ADAMTS8: variants seen among roughly 807,000 people sequenced by gnomAD.
The protein encoded by ADAMTS8 is A disintegrin and metalloproteinase with thrombospondin motifs 8.
In ADAMTS8, 50 loss-of-function variants were observed where a neutral mutation model predicts 64.4. The observed-to-expected ratio is 0.78, with a 90% CI of 0.62 to 0.98. ADAMTS8 has a LOEUF of 0.98. Among genes scored for constraint, ADAMTS8 ranks in the 50% least tolerant of loss-of-function variants. The probability of loss-of-function intolerance (pLI) is 0.00; values close to 1 mark genes in which losing one functional copy is unlikely to be tolerated. For missense variants in ADAMTS8, 1,192 were observed against 1,208.2 expected (o/e 0.99, Z 0.20); for synonymous variants, 556 against 533.6 (o/e 1.04, Z -0.58).
intron 2 of ADAMTS8, among the ~76,000 whole-genome samples, chr11:130,417,827 C>T (rs941448146): frequency 3.9e-5 from 6 of 151,970 alleles, no homozygotes; most frequent in African/African-American, 1.4e-4. Flanking sequence ...TATGGTCAAG[C>T]CAGTTCACCC....
rs1565374675 is a variant in ADAMTS8, at chr11:130,411,544, G to C, written c.1623C>G (p.Thr541=). The change falls in exon 6 of 9, where the codon ACC becomes ACG. Residue 541 remains threonine (T), a synonymous_variant. Coordinates refer to ENST00000257359, the MANE Select transcript of ADAMTS8 (RefSeq NM_007037.6). This position sits in a 1 kb window ranked among gnomAD's most constrained non-coding sequence, Gnocchi z 4.2. ...PWGPWGECSR[T]CGGGVQFSHR... ...GTGAAAACTGTACTCCTCCTCCACAGGTCCGAGAACATTCTCCCCAGGGTC... is the reference window on the plus strand; with the variant it reads ...GTGAAAACTGTACTCCTCCTCCACACGTCCGAGAACATTCTCCCCAGGGTC... 1.9e-6 allele frequency: 3 copies of C among 1,614,162 alleles called. No individual in the cohort carries two copies. The highest frequency in any genetic ancestry group is 2.5e-6 in the Non-Finnish European group (3 of 1,180,024).
At chr11:130,421,857 C>T (rs2134689224) in intron 1 of ADAMTS8, among the ~76,000 whole-genome samples, 1 of 152,304 alleles carries the variant, frequency 6.6e-6, no homozygotes, top group South Asian at 2.1e-4. Context: ...AGATGGCTTG[C>T]TCCACCACCT....
chr11:130,421,897 C>T (rs1057267750), intron 1 of ADAMTS8, among the ~76,000 whole-genome samples: 4 of 152,228 alleles, frequency 2.6e-5, no homozygotes, highest in Admixed American at 2.6e-4. Flanking sequence ...CTGCTCCCCA[C>T]ACCAATGCAA....
In ADAMTS8 at chr11:130,414,420, C is replaced by T. The variant is rs184969861; in HGVS notation, c.1566+111G>A. ...TGAGCCGCTCTGCCTGGCTGTCTCT[C>T]GGTTCATGACTCTCAAGTGTGGTTT... On this transcript the variant is annotated intron_variant, in intron 5 of 8. Coordinates refer to ENST00000257359, the MANE Select transcript of ADAMTS8 (RefSeq NM_007037.6). 28 of 1,333,168 alleles carry T rather than the reference C, an allele frequency of 2.1e-5. No homozygotes were observed. The Admixed American group carries it at 6.2e-4, about 30-fold the overall frequency. The allele number at this position is 1,333,168 out of a possible 1,614,324, so 82.6% of individuals were successfully genotyped here.
intron 8 of ADAMTS8, 27 bp downstream of exon 8, chr11:130,408,437 A>C (rs760562907): frequency 6.2e-7 from 1 of 1,611,856 alleles, no homozygotes; most frequent in Non-Finnish European, 8.5e-7. Context: ...CTACCAAGCA[A>C]GGTACAGAAC....
Position 130,408,930 on chromosome 11 carries a change from G to A in ADAMTS8, c.1761C>T (p.Phe587=). ...TATACTTCTCACACTGCTGCTCCCT[G>A]AAGCTTTTCCCTAGAAAGAGGAAGA... ...TEECPPDGKS[F]REQQCEKYNA... is the part of the protein sequence containing the mutation. The change falls in exon 7 of 9, where the codon TTC becomes TTT. Residue 587 remains phenylalanine (F), a synonymous_variant. Coordinates refer to ENST00000257359, the MANE Select transcript of ADAMTS8 (RefSeq NM_007037.6). 1 of 1,538,410 alleles carries A rather than the reference G, an allele frequency of 6.5e-7. No homozygotes were observed. Among genetic ancestry groups the A allele is most frequent in the Non-Finnish European group, 8.8e-7 (1 of 1,141,788 alleles).
At chr11:130,408,205 A>G (rs1249190134) in intron 8 of ADAMTS8, among the ~76,000 whole-genome samples, 3 of 152,230 alleles carry the variant, frequency 2.0e-5, no homozygotes, top group African/African-American at 7.2e-5. Context: ...CGTAAAAGTC[A>G]CGGCTGCCCT....
chr11:130,405,881 G>A lies in ADAMTS8; in HGVS notation c.2347C>T (p.Pro783Ser), dbSNP rs1458298900. 1 of 1,613,972 alleles carries A rather than the reference G, an allele frequency of 6.2e-7. No individual in the cohort carries two copies. Among genetic ancestry groups the A allele is most frequent in the Non-Finnish European group, 8.5e-7 (1 of 1,180,032 alleles). ...AGGAGCTGCACTGTCAGAGGCTCTG[G>A]CAAGGGCCGGAAGCTCTGCAGGCGC... ...LERLQSFRPL[P>S]EPLTVQLLTV... Residue 783 changes from proline (P) to serine (S), a missense_variant, in exon 9 of 9, where the codon CCA (proline) becomes TCA (serine). Pro to Ser is a moderately conservative substitution (Grantham distance 74). This residue lies in a region of ADAMTS8 where 147 missense variants were observed against 154.1 expected (regional missense o/e 0.95). Transcript: ENST00000257359.
intron 1 of ADAMTS8, among the ~76,000 whole-genome samples, chr11:130,425,516 G>T (rs1004181535): frequency 2.8e-5 from 4 of 143,264 alleles, no homozygotes; most frequent in Non-Finnish European, 2.9e-5. Flanking sequence ...TCTGTTCCAT[G>T]TGTGGGGGTA....
Position 130,416,472 on chromosome 11 carries a change from C to T in ADAMTS8, c.1097-142G>A, listed in dbSNP as rs975813473. 109 of 953,408 alleles carry T rather than the reference C, an allele frequency of 1.1e-4. No individual in the cohort carries two copies. Among genetic ancestry groups the T allele is most frequent in the Middle Eastern group, 3.4e-4 (1 of 2,968 alleles). 59.1% of individuals were successfully genotyped at this position (953,408 alleles called of 1,614,324 possible). A position where few individuals can be genotyped will look rare whatever the true frequency, so the allele number is the denominator to read the frequency against. On this transcript the variant is annotated intron_variant, in intron 3 of 8. Coordinates refer to ENST00000257359, the MANE Select transcript of ADAMTS8 (RefSeq NM_007037.6). This position sits in a 1 kb window ranked among gnomAD's most constrained non-coding sequence, Gnocchi z 4.8. ...GATTTCTGCGTAGGGCTTTCCCCTGCGCTTTGCTCTTCCAGGACGCGTTCT... is the reference window on the plus strand; with the variant it reads ...GATTTCTGCGTAGGGCTTTCCCCTGTGCTTTGCTCTTCCAGGACGCGTTCT...
In ADAMTS8 at chr11:130,411,350, C is replaced by G. The variant is rs1861949001; in HGVS notation, c.1750+67G>C. 5.1e-6 allele frequency: 8 copies of G among 1,562,768 alleles called. No individual in the cohort carries two copies. The highest frequency in any genetic ancestry group is 7.0e-6 in the Non-Finnish European group (8 of 1,149,584). On this transcript the variant is annotated intron_variant, in intron 6 of 8. Coordinates refer to ENST00000257359, the MANE Select transcript of ADAMTS8 (RefSeq NM_007037.6). This position sits in a 1 kb window ranked among gnomAD's most constrained non-coding sequence, Gnocchi z 4.2. ...CCCACTTCACTCCCACTTTACACAT[C>G]CTCTGGGGATGCGTCATAGCAATGA...
At position 130,427,659 on chromosome 11, in the gene ADAMTS8, T is replaced by C; in HGVS notation, c.628A>G (p.Arg210Gly). The change falls in exon 1 of 9, where the codon AGG becomes GGG. Residue 210 changes from arginine (R) to glycine (G), a missense_variant. By Grantham distance (125) the Arg-to-Gly change is moderately radical. Around this residue, in one of 5 missense-constraint regions of ADAMTS8, gnomAD observed 741 missense variants for 710.6 expected, o/e 1.04. Transcript: ENST00000257359. Reference sequence around the variant, plus strand: ...GCCTCAGACACAAACCGCTTGGTCCTACTCGTGGCCCCCAGGGGCGGTGGC... The same window carrying C: ...GCCTCAGACACAAACCGCTTGGTCCCACTCGTGGCCCCCAGGGGCGGTGGC... ...EPPPPLGATS[R>G]TKRFVSEARF... is the part of the protein sequence containing the mutation. 1 of 1,593,378 alleles carries C rather than the reference T, an allele frequency of 6.3e-7. No homozygotes were observed. Among genetic ancestry groups the C allele is most frequent in the Non-Finnish European group, 8.5e-7 (1 of 1,171,952 alleles).
rs1298357265 is a variant in ADAMTS8 at position 130,405,887 on chromosome 11, G to A, written c.2341C>T (p.Pro781Ser). The change falls in exon 9 of 9, where the codon CCC becomes TCC. Residue 781 changes from proline (P) to serine (S), a missense_variant. Coordinates refer to ENST00000257359, the MANE Select transcript of ADAMTS8 (RefSeq NM_007037.6). ...ATLERLQSFR[P>S]LPEPLTVQLL... The stretch of plus-strand genomic sequence containing the variant: ...TGCACTGTCAGAGGCTCTGGCAAGG[G>A]CCGGAAGCTCTGCAGGCGCTCCAGG... 1 of 1,613,930 alleles carries A rather than the reference G, an allele frequency of 6.2e-7. No individual in the cohort carries two copies. Among genetic ancestry groups the A allele is most frequent in the African/African-American group, 1.3e-5 (1 of 74,948 alleles).
At chr11:130,422,044 C>T (rs185273968) in intron 1 of ADAMTS8, among the ~76,000 whole-genome samples, 1 of 152,212 alleles carries the variant, frequency 6.6e-6, no homozygotes, top group African/African-American at 2.4e-5. Flanking sequence ...ACAACCTGCT[C>T]TTGAATGACT....
At chr11:130,406,289 T>C (rs529095097) in intron 8 of ADAMTS8, among the ~76,000 whole-genome samples, 161 bp from the exon 9 acceptor site, 2 of 152,338 alleles carry the variant, frequency 1.3e-5, no homozygotes, top group South Asian at 4.1e-4. Context: ...ATTAGCTGTT[T>C]AGGCAGACAG....
rs1592133171 is a variant in ADAMTS8 at position 130,419,248 on chromosome 11, C to T, written c.765G>A (p.Lys255=). ...TGATGGAATTCTTGATGCTGGGGTG[C>T]TTGTAGATTCGGGCTGCCACAGACA... ...TLMSVAARIY[K]HPSIKNSINL... is the part of the protein sequence containing the mutation. The change falls in exon 2 of 9, where the codon AAG becomes AAA. Residue 255 remains lysine (K), a synonymous_variant. Coordinates refer to ENST00000257359, the MANE Select transcript of ADAMTS8 (RefSeq NM_007037.6). The T allele has an allele frequency of 6.2e-7, 1 of 1,614,026 alleles. No individual in the cohort carries two copies. Among genetic ancestry groups the T allele is most frequent in the Non-Finnish European group, 8.5e-7 (1 of 1,180,040 alleles).
chr11:130,428,260 C>G lies in ADAMTS8; in HGVS notation c.27G>C (p.Arg9=). The G allele has an allele frequency of 8.2e-7, 1 of 1,212,580 alleles. No individual in the cohort carries two copies. The highest frequency in any genetic ancestry group is 1.6e-5 in the African/African-American group (1 of 62,850). The allele number at this position is 1,212,580 out of a possible 1,614,324, so 75.1% of individuals were successfully genotyped here. Residue 9 remains arginine, a synonymous_variant, in exon 1 of 9, where the codon CGG becomes CGC. Coordinates refer to ENST00000257359, the MANE Select transcript of ADAMTS8 (RefSeq NM_007037.6). ...GCAGCAGCAGCAGGAGCGGAGGCCACCGGGGGGCGGCGGGGGCGGGGAGCA... is the reference window on the plus strand; with the variant it reads ...GCAGCAGCAGCAGGAGCGGAGGCCAGCGGGGGGCGGCGGGGGCGGGGAGCA... MLPAPAAP[R]WPPLLLLLLL... is the part of the protein sequence containing the mutation.
chr11:130,427,522 G>A, intron 1 of ADAMTS8, 45 bp downstream of exon 1: 1 of 1,526,080 alleles, frequency 6.6e-7, no homozygotes. Context: ...GGAGGCGTCT[G>A]GGGGGCCTCC....
At chr11:130,420,649 T>C (rs1862087734) in intron 1 of ADAMTS8, among the ~76,000 whole-genome samples, 1 of 152,098 alleles carries the variant, frequency 6.6e-6, no homozygotes, top group Non-Finnish European at 1.5e-5. Context: ...ATGAATCCCA[T>C]TATTTGTGAA....
Sources: gnomAD v4.1 joint callset for allele counts (sites outside exome capture counted in the v4.1 genomes callset) on GRCh38, gnomAD v4.1.1 for gene constraint, gnomAD v4.1.1 regional missense constraint, Gnocchi (gnomAD v3.1) non-coding constraint, MANE v1.5 for transcripts, NCBI Gene and HGNC (gene_info 2026-07-23, HGNC 2026-07-21) for gene names.